Variants in ZBTB8OS observed in about 807,000 individuals in gnomAD.
ZBTB8OS encodes tRNA-splicing ligase-activating factor archease.
In ZBTB8OS, 16 loss-of-function variants were observed where a neutral mutation model predicts 29.3. The observed-to-expected ratio is 0.55, with a 90% confidence interval of 0.37 to 0.83. ZBTB8OS has a LOEUF of 0.83. Ranked by LOEUF, ZBTB8OS falls within the 40% of genes least tolerant of loss-of-function variation. The pLI is 0.00. For missense variants in ZBTB8OS, 160 were observed against 196.9 expected (o/e 0.81, Z 1.12); for synonymous variants, 70 against 64.6 (o/e 1.08, Z -0.40).
At chr1:32,641,244 G>A (rs1022305167) in intron 1 of ZBTB8OS, among the ~76,000 whole-genome samples, 35 of 146,132 alleles carry the variant, frequency 2.4e-4, no homozygotes, top group Non-Finnish European at 5.2e-4. Flanking sequence ...ACCTAGTTCA[G>A]CTCACAACTC....
intron 1 of ZBTB8OS, among the ~76,000 whole-genome samples, chr1:32,649,339 C>T (rs1443745733): frequency 1.3e-5 from 2 of 151,992 alleles, no homozygotes. Context: ...CCAGAAAGCA[C>T]ATTGCCTAGA....
At position 32,633,988 on chromosome 1, in the gene ZBTB8OS, T is replaced by C; in HGVS notation, c.207A>G (p.Thr69=). The C allele has an allele frequency of 3.1e-6, 5 of 1,591,708 alleles. No homozygotes were observed. The highest frequency in any genetic ancestry group is 4.3e-6 in the Non-Finnish European group (5 of 1,174,730). Residue 69 remains threonine (T), a synonymous_variant, in exon 3 of 7, where the codon ACA becomes ACG. Transcript: ENST00000468695. The part of the protein sequence containing the change: ...AMFGYMTDTG[T]VEPLQTVEVE... ...CTTCTACTGTTTGGAGGGGCTCCACTGTCCCAGTATCTGTCATGTAACCAA... is the reference window on the plus strand; with the variant it reads ...CTTCTACTGTTTGGAGGGGCTCCACCGTCCCAGTATCTGTCATGTAACCAA...
chr1:32,636,172 GAC>G (rs923621139), intron 1 of ZBTB8OS, among the ~76,000 whole-genome samples: 2 of 151,970 alleles, frequency 1.3e-5, no homozygotes, highest in African/African-American at 4.8e-5. Context: ...TCTCCAACCT[GAC>G]CAATCAGTAG....
At chr1:32,626,164 C>A (rs980474815) in intron 6 of ZBTB8OS, among the ~76,000 whole-genome samples, 1 of 152,178 alleles carries the variant, frequency 6.6e-6, no homozygotes, top group Non-Finnish European at 1.5e-5. Context: ...TGAACCACCA[C>A]GCCGGGCCTA....
Position 32,621,441 on chromosome 1 carries a change from A to G in ZBTB8OS, c.*421T>C, listed in dbSNP as rs1262034204. ...AGAAACAAAATATATGTCTTAACCA[A>G]CTTGGAAGAAAAACAAAATTCTGTG... On this transcript the variant is annotated 3_prime_UTR_variant, in exon 7 of 7. Coordinates refer to ENST00000468695, the MANE Select transcript of ZBTB8OS (RefSeq NM_178547.5). 6.3e-6 allele frequency: 1 copy of G among 158,084 alleles called. No homozygotes were observed. Among genetic ancestry groups the G allele is most frequent in the Non-Finnish European group, 1.4e-5 (1 of 72,414 alleles). The allele number at this position is 158,084 out of a possible 1,614,324, so 9.8% of individuals were successfully genotyped here. A position where few individuals can be genotyped will look rare whatever the true frequency, so the allele number is the denominator to read the frequency against.
upstream of ZBTB8OS, chr1:32,650,578 G>A: frequency 6.2e-7 from 1 of 1,613,642 alleles, no homozygotes; most frequent in Non-Finnish European, 8.5e-7. Flanking sequence ...ACCGGACTTC[G>A]GCCCGGAGTT....
rs530667199 is a variant in ZBTB8OS at position 32,645,153 on chromosome 1, T to C, written c.97+5280A>G. ...GAGATGGCGCCACTGCACTCCAGCC[T>C]GTCAACAGAGTGAGACTTCATCTCA... On this transcript the variant is annotated intron_variant, in intron 1 of 6. Coordinates refer to ENST00000468695, the MANE Select transcript of ZBTB8OS (RefSeq NM_178547.5). Among the ~76,000 whole-genome samples, 502 of 151,420 alleles carry C rather than the reference T, an allele frequency of 3.3e-3. 1 individual carries two copies. The highest frequency in any genetic ancestry group is 6.3e-3 in the Non-Finnish European group (429 of 67,936).
intron 1 of ZBTB8OS, among the ~76,000 whole-genome samples, chr1:32,647,668 G>A (rs1402980884): frequency 6.6e-6 from 1 of 152,108 alleles, no homozygotes; most frequent in Non-Finnish European, 1.5e-5. Context: ...ACACTATTGT[G>A]AACTGCACAT....
intron 4 of ZBTB8OS, 131 bp downstream of exon 4, chr1:32,633,514 C>A: frequency 1.5e-6 from 1 of 662,832 alleles, no homozygotes; most frequent in Non-Finnish European, 2.6e-6. Context: ...ATTATAATCT[C>A]TGCAAATCAG....
At position 32,650,424 on chromosome 1, in the gene ZBTB8OS, C is replaced by T. The variant is rs777597166; in HGVS notation, c.97+9G>A. The T allele has an allele frequency of 3.1e-6, 5 of 1,614,130 alleles. No individual in the cohort carries two copies. Among genetic ancestry groups the T allele is most frequent in the African/African-American group, 2.7e-5 (2 of 75,044 alleles). ...TACATGTAAAGAGAGAAGTAAGCCA[C>T]CTACTCACACTCGTACTTCCTATTG... On this transcript the variant is annotated intron_variant, in intron 1 of 6. Transcript: ENST00000468695.
At chr1:32,632,466 G>C (rs1343137935) in intron 4 of ZBTB8OS, 2 of 152,180 alleles carry the variant, frequency 1.3e-5, no homozygotes, top group Admixed American at 1.3e-4. Flanking sequence ...CCAGTCTGGA[G>C]TGCCATGGCA....
intron 1 of ZBTB8OS, among the ~76,000 whole-genome samples, chr1:32,642,555 G>A (rs1202039057): frequency 6.6e-6 from 1 of 150,588 alleles, no homozygotes; most frequent in Non-Finnish European, 1.5e-5. Flanking sequence ...TTCTTTCTGG[G>A]GGAGAATTTG....
At chr1:32,626,182 G>A (rs1165203606) in intron 6 of ZBTB8OS, among the ~76,000 whole-genome samples, 2 of 152,048 alleles carry the variant, frequency 1.3e-5, no homozygotes, top group African/African-American at 4.8e-5. Context: ...CTATAATACT[G>A]TATTTTTACT....
At chr1:32,641,747 A>G (rs1051413126) in intron 1 of ZBTB8OS, among the ~76,000 whole-genome samples, 10 of 149,970 alleles carry the variant, frequency 6.7e-5, no homozygotes, top group Non-Finnish European at 1.3e-4. Context: ...CCCCGTCTCT[A>G]CTAAAAAATA....
chr1:32,649,462 G>A (rs1216316519), intron 1 of ZBTB8OS, among the ~76,000 whole-genome samples: 1 of 152,010 alleles, frequency 6.6e-6, no homozygotes, highest in Non-Finnish European at 1.5e-5. Flanking sequence ...GCTACCTTTA[G>A]GGATGACAGC....
chr1:32,636,158 T>A (rs1223206177), intron 1 of ZBTB8OS, among the ~76,000 whole-genome samples: 1 of 152,096 alleles, frequency 6.6e-6, no homozygotes, highest in Non-Finnish European at 1.5e-5. Flanking sequence ...CCCCTGTGAT[T>A]CCATCTCCAA....
At chr1:32,626,374 C>T (rs1645134519) in intron 6 of ZBTB8OS, among the ~76,000 whole-genome samples, 2 of 152,092 alleles carry the variant, frequency 1.3e-5, no homozygotes, top group African/African-American at 4.8e-5. Context: ...GATGTTTGCA[C>T]AATGATGTAA....
At chr1:32,626,261 T>A (rs961637989) in intron 6 of ZBTB8OS, among the ~76,000 whole-genome samples, 1 of 152,202 alleles carries the variant, frequency 6.6e-6, no homozygotes, top group Non-Finnish European at 1.5e-5. Context: ...CTGCCTATAG[T>A]ATTCAGTATA....
chr1:32,630,865 T>C (rs1645495615), intron 5 of ZBTB8OS, among the ~76,000 whole-genome samples: 1 of 150,762 alleles, frequency 6.6e-6, no homozygotes, highest in African/African-American at 2.4e-5. Context: ...TACAAAAAAT[T>C]AGCCAGGCGT....
Sources: gnomAD v4.1 joint callset for allele counts (sites outside exome capture counted in the v4.1 genomes callset) on GRCh38, gnomAD v4.1.1 for gene constraint, MANE v1.5 for transcripts, NCBI Gene and HGNC (gene_info 2026-07-23, HGNC 2026-07-21) for gene names.